The following HEMK2 variants were observed in gnomAD, a reference collection of about 807,000 sequenced individuals.
HEMK2 encodes the protein methyltransferase HEMK2.
chr21:28,695,439 T>A, the HEMK2 span, among the ~76,000 whole-genome samples: 4 of 152,138 alleles, frequency 2.6e-5, no homozygotes, highest in East Asian at 7.7e-4. Context: ...AACATTTAAT[T>A]GACTCAGTTC....
chr21:28,681,972 A>G, the HEMK2 span, among the ~76,000 whole-genome samples: 1 of 152,236 alleles, frequency 6.6e-6, no homozygotes, highest in South Asian at 2.1e-4. Context: ...AGGCAATACC[A>G]TTCAGGACAT....
At chr21:28,815,522 C>T in the HEMK2 span, among the ~76,000 whole-genome samples, 1 of 151,962 alleles carries the variant, frequency 6.6e-6, no homozygotes, top group Non-Finnish European at 1.5e-5. Context: ...AGCTCCATGG[C>T]CCCCAAAACA....
the HEMK2 span, among the ~76,000 whole-genome samples, chr21:28,584,939 G>A: frequency 9.9e-5 from 15 of 152,168 alleles, no homozygotes; most frequent in Non-Finnish European, 1.8e-4. Context: ...TTAGTTAAAA[G>A]TGGATATGGA....
At chr21:28,584,503 C>T in the HEMK2 span, among the ~76,000 whole-genome samples, 1,452 of 152,212 alleles carry the variant, frequency 9.5e-3, 29 homozygotes, top group African/African-American at 0.033. Context: ...CAAAGTCTTT[C>T]TAAAATATAT....
the HEMK2 span, among the ~76,000 whole-genome samples, chr21:28,685,801 G>A: frequency 6.6e-6 from 1 of 152,118 alleles, no homozygotes; most frequent in African/African-American, 2.4e-5. Flanking sequence ...ATTAGAGTCA[G>A]GGAAGTAAAA....
chr21:28,705,866 A>G, the HEMK2 span, among the ~76,000 whole-genome samples: 1 of 152,226 alleles, frequency 6.6e-6, no homozygotes, highest in Non-Finnish European at 1.5e-5. Flanking sequence ...ACAAAAATGC[A>G]GAGAAATGCA....
At chr21:28,702,305 G>GC in the HEMK2 span, among the ~76,000 whole-genome samples, 15 of 101,070 alleles carry the variant, frequency 1.5e-4, no homozygotes, top group South Asian at 4.0e-3. Flanking sequence ...AAAAGCTATT[G>GC]CAACAAAAAA....
the HEMK2 span, among the ~76,000 whole-genome samples, chr21:28,841,220 AT>A: frequency 4.0e-3 from 48 of 11,984 alleles, 1 homozygote; most frequent in African/African-American, 0.02. Context: ...TATTATATAT[AT>A]TATATATTAT....
the HEMK2 span, among the ~76,000 whole-genome samples, chr21:28,663,664 T>C: frequency 6.6e-6 from 1 of 152,252 alleles, no homozygotes; most frequent in Non-Finnish European, 1.5e-5. Flanking sequence ...TGTTGCTGTT[T>C]CTGTTGTTTC....
chr21:28,718,874 G>T, the HEMK2 span, among the ~76,000 whole-genome samples: 1 of 152,140 alleles, frequency 6.6e-6, no homozygotes, highest in Non-Finnish European at 1.5e-5. Flanking sequence ...AAGAGTAGAT[G>T]AAAGTATCAA....
At chr21:28,864,855 A>G in the HEMK2 span, among the ~76,000 whole-genome samples, 22 of 136,276 alleles carry the variant, frequency 1.6e-4, no homozygotes, top group South Asian at 8.1e-4. Context: ...AGATAGATAG[A>G]TAGATAGATA....
chr21:28,885,123 C>A, the HEMK2 span: 4 of 1,438,140 alleles, frequency 2.8e-6, no homozygotes, highest in African/African-American at 1.4e-5. Flanking sequence ...CGGCTCAGGG[C>A]GGTGATAGTC....
chr21:28,675,848 T>C, the HEMK2 span, among the ~76,000 whole-genome samples: 2 of 152,208 alleles, frequency 1.3e-5, no homozygotes, highest in African/African-American at 4.8e-5. Context: ...TAATCCAGAA[T>C]GTTGCATCTG....
the HEMK2 span, among the ~76,000 whole-genome samples, chr21:28,799,971 G>A: frequency 6.6e-6 from 1 of 152,160 alleles, no homozygotes; most frequent in South Asian, 2.1e-4. Flanking sequence ...ACAAGTAAGA[G>A]CATTTTCCAA....
the HEMK2 span, among the ~76,000 whole-genome samples, chr21:28,675,866 T>G: frequency 6.6e-6 from 1 of 152,214 alleles, no homozygotes; most frequent in Non-Finnish European, 1.5e-5. Context: ...CTGTGTTAGC[T>G]CTTCTTAGAA....
chr21:28,729,649 A>AAT, the HEMK2 span, among the ~76,000 whole-genome samples: 1 of 148,872 alleles, frequency 6.7e-6, no homozygotes, highest in African/African-American at 2.5e-5. Context: ...AAAAAAAAAA[A>AAT]TCACAAAAAA....
At chr21:28,804,793 AT>A in the HEMK2 span, among the ~76,000 whole-genome samples, 1 of 152,350 alleles carries the variant, frequency 6.6e-6, no homozygotes, top group South Asian at 2.1e-4. Context: ...CATTTCTTTC[AT>A]TCCTGCACAC....
chr21:28,801,692 A>G, the HEMK2 span, among the ~76,000 whole-genome samples: 279 of 152,348 alleles, frequency 1.8e-3, no homozygotes, highest in African/African-American at 6.4e-3. Context: ...AGCTTAGAGA[A>G]AAAGAGTATA....
the HEMK2 span, among the ~76,000 whole-genome samples, chr21:28,738,363 G>A: frequency 4.6e-5 from 7 of 152,204 alleles, no homozygotes; most frequent in Non-Finnish European, 8.8e-5. Context: ...ATTATTGGGA[G>A]AAGGTGTTGG....
Sources: gnomAD v4.1 joint callset for allele counts (sites outside exome capture counted in the v4.1 genomes callset) on GRCh38, gnomAD v4.1.1 for gene constraint, MANE v1.5 for transcripts, NCBI Gene and HGNC (gene_info 2026-07-23, HGNC 2026-07-21) for gene names.